UBR3: variants seen among roughly 807,000 people sequenced by gnomAD.
UBR3 encodes the protein ubiquitin protein ligase E3 component n-recognin 3.
A neutral mutation model predicts 243.2 loss-of-function variants in UBR3; 85 were observed. The ratio of observed to expected loss-of-function variants is 0.35; its 90% CI spans 0.29 to 0.42. The LOEUF (loss-of-function observed/expected upper bound fraction) is 0.42, where lower values mean the gene tolerates loss of function less well. Ranked by LOEUF, UBR3 falls within the 10% of genes least tolerant of loss-of-function variation. UBR3 has a pLI of 1.00. For missense variants in UBR3, 1,686 were observed against 2,300.8 expected, an observed-to-expected ratio of 0.73 and a Z score of 5.47; for synonymous variants, 748 against 799.8, an observed-to-expected ratio of 0.94 and a Z score of 1.09.
intron 1 of UBR3, among the ~76,000 whole-genome samples, chr2:169,858,783 A>T (rs1280326781): frequency 6.6e-6 from 1 of 151,834 alleles, no homozygotes; most frequent in Non-Finnish European, 1.5e-5. Context: ...TATTTTTAGT[A>T]GATATAGGGT....
chr2:170,045,956 T>G (rs1559214631), intron 32 of UBR3, among the ~76,000 whole-genome samples: 1 of 132,492 alleles, frequency 7.5e-6, no homozygotes, highest in Non-Finnish European at 1.5e-5. Context: ...CATAGTTGCT[T>G]CTTGTAAATT....
At position 169,848,255 on chromosome 2, in the gene UBR3, A is replaced by G. The variant is rs183346544; in HGVS notation, c.545+20203A>G. 1.8e-4 allele frequency among the ~76,000 whole-genome samples: 27 copies of G among 148,456 alleles called. 1 individual carries two copies. The Middle Eastern group carries it at 0.011, about 58-fold the overall frequency. ...AAGGGGTTAACCCAACGACCTGGTT[A>G]TTTTTGTTTTAGATACAGATTTTAT... On this transcript the variant is annotated intron_variant, in intron 1 of 38. Transcript: ENST00000272793.
chr2:169,876,261 T>C (rs1052275970), intron 3 of UBR3, among the ~76,000 whole-genome samples: 2 of 151,944 alleles, frequency 1.3e-5, no homozygotes, highest in Non-Finnish European at 2.9e-5. Context: ...TTTGTATTTT[T>C]AGTAGAGGCG....
intron 36 of UBR3, chr2:170,077,082 T>C: frequency 2.6e-6 from 1 of 381,730 alleles, no homozygotes; most frequent in Non-Finnish European, 5.1e-6. Flanking sequence ...ACCGAATTTT[T>C]TTTTCCATTT....
At chr2:169,844,051 GGC>G (rs2082386078) in intron 1 of UBR3, among the ~76,000 whole-genome samples, 1 of 138,120 alleles carries the variant, frequency 7.2e-6, no homozygotes, top group Non-Finnish European at 1.5e-5. Flanking sequence ...TTTTTGCCCA[GGC>G]TGGAGTGCAA....
chr2:169,970,665 T>C (rs1254729320), intron 24 of UBR3, among the ~76,000 whole-genome samples: 1 of 122,842 alleles, frequency 8.1e-6, no homozygotes, highest in Non-Finnish European at 1.8e-5. Flanking sequence ...CATCATTTTT[T>C]ATGGCTGCAT....
At chr2:169,866,485 C>T (rs956977870) in intron 1 of UBR3, among the ~76,000 whole-genome samples, 6 of 151,820 alleles carry the variant, frequency 4.0e-5, no homozygotes, top group Non-Finnish European at 7.4e-5. Context: ...ACCTCAGCTT[C>T]CTGAATAGCT....
chr2:169,943,089 G>A (rs1427601048), intron 20 of UBR3, among the ~76,000 whole-genome samples: 4 of 152,136 alleles, frequency 2.6e-5, no homozygotes, highest in Non-Finnish European at 5.9e-5. Flanking sequence ...TTTCTATGTG[G>A]CAAGATCAAA....
chr2:169,850,327 C>T (rs756746893), intron 1 of UBR3, among the ~76,000 whole-genome samples: 8 of 152,042 alleles, frequency 5.3e-5, no homozygotes, highest in South Asian at 2.1e-4. Context: ...TAGAGGCACA[C>T]GCCACCATGC....
chr2:169,938,861 C>G (rs982481841), intron 19 of UBR3, among the ~76,000 whole-genome samples: 6 of 152,082 alleles, frequency 3.9e-5, no homozygotes, highest in African/African-American at 1.4e-4. Flanking sequence ...AGTGGTCCAA[C>G]TTAATTCTTA....
At position 170,073,612 on chromosome 2, in the gene UBR3, G is replaced by C; in HGVS notation, c.5199+5G>C. 1 of 1,611,830 alleles carries C rather than the reference G, an allele frequency of 6.2e-7. No homozygotes were observed. The highest frequency in any genetic ancestry group is 8.5e-7 in the Non-Finnish European group (1 of 1,178,950). On this transcript the variant is annotated splice_donor_5th_base_variant and intron_variant, in intron 36 of 38. Coordinates refer to ENST00000272793, the MANE Select transcript of UBR3 (RefSeq NM_172070.4). ...AGACATGCAGAACAAGGAAAGGTAT[G>C]TTAAAAGAGTTGTACTAGCTTGTCA...
At chr2:169,942,981 A>G (rs992046478) in intron 20 of UBR3, among the ~76,000 whole-genome samples, 8 of 152,230 alleles carry the variant, frequency 5.3e-5, no homozygotes, top group Admixed American at 5.2e-4. Flanking sequence ...TGACAAAACT[A>G]GAATGGCAGT....
At chr2:170,051,994 C>G (rs1341862877) in intron 32 of UBR3, among the ~76,000 whole-genome samples, 1 of 152,004 alleles carries the variant, frequency 6.6e-6, no homozygotes, top group African/African-American at 2.4e-5. Flanking sequence ...CTGATGATTC[C>G]CAAATCTCTA....
chr2:169,906,605 G>C (rs187057697), intron 10 of UBR3, among the ~76,000 whole-genome samples: 18 of 151,838 alleles, frequency 1.2e-4, no homozygotes, highest in South Asian at 6.2e-4. Flanking sequence ...GAAACCTTGG[G>C]CAGTCCAGAC....
At chr2:169,940,818 A>C (rs967556499) in intron 19 of UBR3, among the ~76,000 whole-genome samples, 1 of 152,190 alleles carries the variant, frequency 6.6e-6, no homozygotes, top group Non-Finnish European at 1.5e-5. Flanking sequence ...CCTGTAGCCA[A>C]TGGCTGTCCG....
rs974879726 is a variant in UBR3 at position 169,898,733 on chromosome 2, G to T, written c.1465+1998G>T. On this transcript the variant is annotated intron_variant, in intron 8 of 38. Coordinates refer to ENST00000272793, the MANE Select transcript of UBR3 (RefSeq NM_172070.4). ...TTTTTTTTTTTTGAGACGGAGTCTC[G>T]CTCTGTCGCCCAGGCTGGGGTGCAG... is the stretch of plus-strand genomic sequence containing the variant. Among the ~76,000 whole-genome samples the T allele has an allele frequency of 6.2e-5, 8 of 128,602 alleles. No homozygotes were observed. In the Admixed American group the frequency reaches 7.9e-4, roughly 13 times the overall value. The allele number at this position is 128,602 out of a possible 152,430, so 84.4% of individuals were successfully genotyped here.
chr2:169,950,001 A>C lies in UBR3; in HGVS notation c.3481A>C (p.Thr1161Pro), dbSNP rs1247351080. Residue 1161 changes from threonine to proline, a missense_variant, in exon 23 of 39, where the codon ACC (threonine) becomes CCC (proline). Thr to Pro is a conservative substitution (Grantham distance 38, BLOSUM62 -1). Around this residue, in one of 8 missense-constraint regions of UBR3, gnomAD observed 300 missense variants for 314.4 expected, o/e 0.95. Coordinates refer to ENST00000272793, the MANE Select transcript of UBR3 (RefSeq NM_172070.4). ...CATTGAAGAGATATGTAGAAAAGTGACCCCTCCTGTACCACCTAAAAAAGT... is the reference window on the plus strand; with the variant it reads ...CATTGAAGAGATATGTAGAAAAGTGCCCCCTCCTGTACCACCTAAAAAAGT... ...RIIEEICRKV[T>P]PPVPPKKVTA... The C allele has an allele frequency of 4.3e-6, 7 of 1,612,554 alleles. No individual in the cohort carries two copies. Among genetic ancestry groups the C allele is most frequent in the Non-Finnish European group, 5.9e-6 (7 of 1,179,384 alleles).
intron 30 of UBR3, among the ~76,000 whole-genome samples, chr2:170,025,145 T>C (rs73976861): frequency 0.022 from 3,329 of 152,282 alleles, 111 homozygotes; most frequent in African/African-American, 0.075. Context: ...AAAATCCTAT[T>C]ATATGTCAAG....
At chr2:169,928,629 A>C (rs555877278) in intron 17 of UBR3, 98 bp from the exon 18 acceptor site, 2 of 967,236 alleles carry the variant, frequency 2.1e-6, no homozygotes, top group Non-Finnish European at 2.9e-6. Flanking sequence ...ACCAATTACT[A>C]TTTGTCTACT....
Sources: gnomAD v4.1 joint callset for allele counts (sites outside exome capture counted in the v4.1 genomes callset) on GRCh38, gnomAD v4.1.1 for gene constraint, gnomAD v4.1.1 regional missense constraint, MANE v1.5 for transcripts, NCBI Gene and HGNC (gene_info 2026-07-23, HGNC 2026-07-21) for gene names.